The following CFAP20DC variants were observed in gnomAD, a reference collection of about 807,000 sequenced individuals.
The protein encoded by CFAP20DC is protein CFAP20DC.
A neutral mutation model predicts 101.7 loss-of-function variants in CFAP20DC; 84 were observed. The observed-to-expected ratio is 0.83, with a 90% confidence interval of 0.69 to 0.99. The LOEUF is 0.99. CFAP20DC is among the 50% of genes least tolerant of loss of function. CFAP20DC has a pLI of 0.00. For synonymous variants in CFAP20DC, 359 were observed against 351.2 expected, an observed-to-expected ratio of 1.02 and a Z score of -0.25; for missense variants, 1,007 against 970.3, an observed-to-expected ratio of 1.04 and a Z score of -0.50.
chr3:58,801,926 T>C (rs2073740433), intron 15 of CFAP20DC, among the ~76,000 whole-genome samples: 1 of 152,224 alleles, frequency 6.6e-6, no homozygotes, highest in Non-Finnish European at 1.5e-5. Flanking sequence ...ATCATGCCAT[T>C]CTTGCTGTTT....
intron 13 of CFAP20DC, among the ~76,000 whole-genome samples, chr3:58,838,473 G>A (rs1403942490): frequency 6.6e-6 from 1 of 152,124 alleles, no homozygotes; most frequent in African/African-American, 2.4e-5. Flanking sequence ...GAATGTCTCA[G>A]GTAGAAGATT....
intron 12 of CFAP20DC, among the ~76,000 whole-genome samples, chr3:58,849,618 T>C (rs4420889): frequency 6.6e-6 from 1 of 152,166 alleles, no homozygotes. Context: ...TGTCCTGCTA[T>C]ACGGTATTTG....
intron 4 of CFAP20DC, among the ~76,000 whole-genome samples, chr3:58,963,837 A>C (rs954412273): frequency 6.6e-6 from 1 of 152,218 alleles, no homozygotes; most frequent in African/African-American, 2.4e-5. Context: ...CTGAGTTTAC[A>C]GCCATGACAG....
intron 15 of CFAP20DC, among the ~76,000 whole-genome samples, chr3:58,761,178 G>A (rs558974712): frequency 1.6e-4 from 25 of 152,228 alleles, no homozygotes; most frequent in Admixed American, 1.1e-3. Flanking sequence ...ACTTTTTTTG[G>A]TTGGTAAGCT....
At chr3:59,023,008 G>A (rs1433148656) in intron 4 of CFAP20DC, among the ~76,000 whole-genome samples, 1 of 152,040 alleles carries the variant, frequency 6.6e-6, no homozygotes, top group African/African-American at 2.4e-5. Flanking sequence ...TGCCAGTAGA[G>A]GTGTGGTGGA....
intron 6 of CFAP20DC, among the ~76,000 whole-genome samples, chr3:58,910,586 C>G (rs115065752): frequency 0.011 from 1,602 of 152,038 alleles, 35 homozygotes; most frequent in African/African-American, 0.037. Context: ...AGTGCTAAGT[C>G]TTTTTCATTA....
chr3:58,987,703 CTT>C lies in CFAP20DC; in HGVS notation c.279-49943_279-49942del, dbSNP rs1195810323. ...GCTATCTATAAACTCTCACATAACT[CTT>C]ATAACTCTATACTATTAAACTGGAA... On this transcript the variant is annotated intron_variant, in intron 4 of 16. Coordinates refer to ENST00000482387, the MANE Select transcript of CFAP20DC (RefSeq NM_001394063.1). Among the ~76,000 whole-genome samples, 13 of 152,026 alleles carry C rather than the reference CTT, an allele frequency of 8.6e-5. No homozygotes were observed. In the East Asian group the frequency reaches 2.3e-3, roughly 27 times the overall value.
intron 12 of CFAP20DC, among the ~76,000 whole-genome samples, chr3:58,858,806 T>C (rs2079031399): frequency 6.6e-6 from 1 of 152,236 alleles, no homozygotes; most frequent in East Asian, 1.9e-4. Flanking sequence ...AGTGTGTGGA[T>C]TGACAGCACC....
intron 12 of CFAP20DC, among the ~76,000 whole-genome samples, chr3:58,854,636 A>C (rs1171008033): frequency 6.6e-6 from 1 of 152,088 alleles, no homozygotes; most frequent in African/African-American, 2.4e-5. Flanking sequence ...ACCAAAACAG[A>C]GATATAGATC....
At chr3:59,003,974 A>G (rs1041444898) in intron 4 of CFAP20DC, among the ~76,000 whole-genome samples, 1 of 152,218 alleles carries the variant, frequency 6.6e-6, no homozygotes, top group Non-Finnish European at 1.5e-5. Context: ...TTTGTGAAAC[A>G]TACCTACTTT....
rs1425205682 is a variant in CFAP20DC at position 58,729,895 on chromosome 3, G to A, written c.198-12267C>T. On this transcript the variant is annotated intron_variant, in intron 3 of 3. Transcript: ENST00000486145. The surrounding 1 kb of genome is among the most constrained non-coding windows in gnomAD (Gnocchi z 4.4). ...TAGCAGGGCATGATGGTGCGCACCT[G>A]TAATCCCAGCTACTTGGGAGGCTGA... Among the ~76,000 whole-genome samples, 1 of 151,928 alleles carries A rather than the reference G, an allele frequency of 6.6e-6. No homozygotes were observed. Among genetic ancestry groups the A allele is most frequent in the Non-Finnish European group, 1.5e-5 (1 of 68,000 alleles).
At chr3:58,847,223 C>G (rs2077740183) in intron 13 of CFAP20DC, among the ~76,000 whole-genome samples, 1 of 128,324 alleles carries the variant, frequency 7.8e-6, no homozygotes, top group Non-Finnish European at 1.6e-5. Context: ...TCAGAGTGAA[C>G]AGGCAACCTA....
At chr3:59,048,486 C>T (rs13326191) in intron 1 of CFAP20DC, among the ~76,000 whole-genome samples, 35,827 of 152,040 alleles carry the variant, frequency 0.24, 4,822 homozygotes, top group African/African-American at 0.37. Context: ...CCCTCATACT[C>T]GGTGAGACGG....
chr3:58,814,264 A>C (rs1011781870), intron 14 of CFAP20DC, among the ~76,000 whole-genome samples: 1 of 151,958 alleles, frequency 6.6e-6, no homozygotes, highest in Non-Finnish European at 1.5e-5. Flanking sequence ...GGAAAATAGA[A>C]GTGGTTACAG....
intron 5 of CFAP20DC, among the ~76,000 whole-genome samples, chr3:58,916,138 T>A (rs1204894860): frequency 6.6e-6 from 1 of 152,186 alleles, no homozygotes; most frequent in Admixed American, 6.6e-5. Flanking sequence ...CATTGTTTTT[T>A]AATATTATCT....
At chr3:59,039,659 T>A in intron 3 of CFAP20DC, 30 bp from the exon 4 acceptor site, 1 of 1,362,836 alleles carries the variant, frequency 7.3e-7, no homozygotes, top group Non-Finnish European at 1.0e-6. Flanking sequence ...CACATTCAAA[T>A]GTTCGAAGCA....
At chr3:58,839,809 C>T (rs189585767) in intron 13 of CFAP20DC, among the ~76,000 whole-genome samples, 14 of 152,248 alleles carry the variant, frequency 9.2e-5, no homozygotes, top group Admixed American at 3.9e-4. Flanking sequence ...GAGTAATGGG[C>T]GCACTGTTTG....
intron 12 of CFAP20DC, among the ~76,000 whole-genome samples, chr3:58,856,265 G>GACACACACACACACACACACAC (rs536277954): frequency 8.1e-6 from 1 of 124,068 alleles, no homozygotes; most frequent in Non-Finnish European, 1.7e-5. Context: ...TTCATCTTCT[G>GACACACACACACACACACACAC]ACACACACAC....
rs2067656214 is a variant in CFAP20DC at position 58,732,060 on chromosome 3, G to A, written c.198-14432C>T. Reference sequence around the variant, plus strand: ...GCACATACAGTTCAGTGCGATGCTTGGGAGTGCAGTGAGAGCTCAATAAAT... The same window carrying A: ...GCACATACAGTTCAGTGCGATGCTTAGGAGTGCAGTGAGAGCTCAATAAAT... On this transcript the variant is annotated intron_variant, in intron 3 of 3. Coordinates refer to the CFAP20DC transcript ENST00000486145. This position sits in a 1 kb window ranked among gnomAD's most constrained non-coding sequence, Gnocchi z 5.4. 6.6e-6 allele frequency among the ~76,000 whole-genome samples: 1 copy of A among 152,190 alleles called. No individual in the cohort carries two copies. Among genetic ancestry groups the A allele is most frequent in the Non-Finnish European group, 1.5e-5 (1 of 68,042 alleles).
Sources: allele counts gnomAD v4.1 joint callset (sites outside exome capture counted in the v4.1 genomes callset), GRCh38; gene constraint gnomAD v4.1.1; non-coding constraint Gnocchi (gnomAD v3.1); transcripts MANE v1.5; gene names NCBI Gene and HGNC (gene_info 2026-07-23, HGNC 2026-07-21).